PIAS1: variants seen among roughly 807,000 people sequenced by gnomAD.
PIAS1 encodes the protein protein inhibitor of activated STAT 1.
Under a neutral mutation model 71.3 loss-of-function variants are expected in PIAS1, and 6 were observed. The observed-to-expected ratio is 0.08, with a 90% CI of 0.05 to 0.17. The LOEUF is 0.17. Ranked by LOEUF, PIAS1 falls within the 10% of genes least tolerant of loss-of-function variation. The pLI is 1.00. For synonymous variants in PIAS1, 303 were observed against 292.9 expected (o/e 1.03, Z -0.35); for missense variants, 555 against 793.6 (o/e 0.70, Z 3.61).
intron 13 of PIAS1, 112 bp downstream of exon 13, chr15:68,183,779 T>C (rs1567081764): frequency 3.6e-6 from 2 of 559,372 alleles, no homozygotes; most frequent in Non-Finnish European, 6.6e-6. Context: ...CATAAGATTA[T>C]AATGGAGCTG....
intron 2 of PIAS1, among the ~76,000 whole-genome samples, chr15:68,096,093 T>C (rs2092373548): frequency 6.6e-6 from 1 of 152,236 alleles, no homozygotes; most frequent in Non-Finnish European, 1.5e-5. Flanking sequence ...TAGTTTATTA[T>C]CTCTATATGT....
rs933047724 is a variant in PIAS1, at chr15:68,182,620, A to G, written c.1625-1010A>G. Among the ~76,000 whole-genome samples the G allele has an allele frequency of 5.9e-5, 9 of 152,160 alleles. No homozygotes were observed. In the East Asian group the frequency reaches 1.5e-3, roughly 26 times the overall value. ...TTTTTAGTAGAGACGGGGTTTCACC[A>G]TGTTGGTCAGGCTGGTCTCAAACTC... is the stretch of plus-strand genomic sequence containing the variant. On this transcript the variant is annotated intron_variant, in intron 12 of 13. Transcript: ENST00000249636.
intron 2 of PIAS1, among the ~76,000 whole-genome samples, chr15:68,119,934 A>G (rs894915489): frequency 1.3e-5 from 2 of 152,100 alleles, no homozygotes; most frequent in South Asian, 2.1e-4. Flanking sequence ...TCTGAAATCT[A>G]CTTTCTCTGA....
In PIAS1 at chr15:68,093,091, G is replaced by C. The variant is rs367701605; in HGVS notation, c.469+6341G>C. On this transcript the variant is annotated intron_variant, in intron 2 of 13. Coordinates refer to ENST00000249636, the MANE Select transcript of PIAS1 (RefSeq NM_016166.3). ...ATTATTTTAGCAAGAAGACTTAAAGGCTTTTATGAAGATATTTGAGTATAG... is the reference window on the plus strand; with the variant it reads ...ATTATTTTAGCAAGAAGACTTAAAGCCTTTTATGAAGATATTTGAGTATAG... Among the ~76,000 whole-genome samples the C allele has an allele frequency of 1.1e-4, 16 of 152,260 alleles. No individual in the cohort carries two copies. The East Asian group carries it at 1.3e-3, about 13-fold the overall frequency.
intron 1 of PIAS1, among the ~76,000 whole-genome samples, chr15:68,083,423 A>C (rs1271700938): frequency 6.6e-6 from 1 of 152,140 alleles, no homozygotes; most frequent in Non-Finnish European, 1.5e-5. Flanking sequence ...ATAGCACCTG[A>C]TTTTTCATTA....
intron 2 of PIAS1, among the ~76,000 whole-genome samples, chr15:68,102,175 T>C (rs1035450900): frequency 6.6e-5 from 10 of 152,238 alleles, no homozygotes; most frequent in African/African-American, 2.4e-4. Context: ...TTGAGCTTCA[T>C]TTATGGAGAT....
chr15:68,089,599 G>C (rs552475713), intron 2 of PIAS1, among the ~76,000 whole-genome samples: 1 of 152,194 alleles, frequency 6.6e-6, no homozygotes, highest in Middle Eastern at 3.4e-3. Context: ...CTGTAGCCCA[G>C]GCTGGAGTGC....
chr15:68,064,133 C>G (rs1376209854), intron 1 of PIAS1, among the ~76,000 whole-genome samples: 55 of 152,142 alleles, frequency 3.6e-4, no homozygotes, highest in Middle Eastern at 3.4e-3. Context: ...ACCATTTTTA[C>G]TTGAAAAAAT....
chr15:68,141,873 G>GTGTTTTTTTT, intron 2 of PIAS1, 73 bp from the exon 3 acceptor site: 2 of 660,544 alleles, frequency 3.0e-6, no homozygotes, highest in African/African-American at 2.2e-5. Context: ...AGACATGTGT[G>GTGTTTTTTTT]TTTTTTTTTT....
intron 8 of PIAS1, among the ~76,000 whole-genome samples, chr15:68,166,152 A>G (rs370276709): frequency 6.6e-5 from 10 of 152,128 alleles, no homozygotes; most frequent in Non-Finnish European, 1.0e-4. Flanking sequence ...CATTGTGTAT[A>G]TATCTTTCTA....
In PIAS1 at chr15:68,189,213, T is replaced by A. The variant is rs943331003; in HGVS notation, c.*1378T>A. 2 of 152,192 alleles carry A rather than the reference T, an allele frequency of 1.3e-5. No individual in the cohort carries two copies. The highest frequency in any genetic ancestry group is 6.5e-5 in the Admixed American group (1 of 15,272). 9.4% of individuals were successfully genotyped at this position (152,192 alleles called of 1,614,324 possible). On this transcript the variant is annotated 3_prime_UTR_variant, in exon 14 of 14. Coordinates refer to ENST00000249636, the MANE Select transcript of PIAS1 (RefSeq NM_016166.3). Reference sequence around the variant, plus strand: ...AAAACTGTTTTTCAGGAGAGAAATATGAGTTGGAGGGAAGGAAAAGTGGTT... The same window carrying A: ...AAAACTGTTTTTCAGGAGAGAAATAAGAGTTGGAGGGAAGGAAAAGTGGTT...
chr15:68,061,431 C>G (rs2091958003), intron 1 of PIAS1: 1 of 152,182 alleles, frequency 6.6e-6, no homozygotes, highest in Non-Finnish European at 1.5e-5. Flanking sequence ...CCCTAGAACC[C>G]TTCCTTCAGA....
At chr15:68,068,042 C>T (rs547623665) in intron 1 of PIAS1, among the ~76,000 whole-genome samples, 11 of 152,090 alleles carry the variant, frequency 7.2e-5, no homozygotes, top group South Asian at 4.2e-4. Flanking sequence ...AGGAGGATTC[C>T]GTAGGAGAAG....
intron 7 of PIAS1, among the ~76,000 whole-genome samples, chr15:68,155,045 T>A (rs1466594337): frequency 6.6e-6 from 1 of 152,108 alleles, no homozygotes; most frequent in African/African-American, 2.4e-5. Flanking sequence ...TACCAAGAAA[T>A]AAGGCAGATG....
At chr15:68,103,330 TC>T (rs1476520470) in intron 2 of PIAS1, among the ~76,000 whole-genome samples, 3 of 11,192 alleles carry the variant, frequency 2.7e-4, no homozygotes, top group African/African-American at 8.1e-4. Context: ...TGTATTATTA[TC>T]CTTTTTTTTT....
intron 2 of PIAS1, among the ~76,000 whole-genome samples, chr15:68,094,799 TG>T (rs1252260106): frequency 1.3e-5 from 2 of 152,184 alleles, no homozygotes; most frequent in African/African-American, 4.8e-5. Context: ...TTTCTGTAGG[TG>T]GGTTTCTTTG....
intron 2 of PIAS1, among the ~76,000 whole-genome samples, chr15:68,112,075 T>A (rs1379762359): frequency 1.3e-5 from 2 of 152,174 alleles, no homozygotes; most frequent in African/African-American, 4.8e-5. Flanking sequence ...AGATAACTTA[T>A]AAAGGCTTCC....
chr15:68,180,289 A>G (rs1298551371), intron 11 of PIAS1, among the ~76,000 whole-genome samples: 5 of 151,884 alleles, frequency 3.3e-5, no homozygotes, highest in African/African-American at 4.8e-5. Flanking sequence ...TCGTAGAGAC[A>G]GGGTCTCCCT....
At chr15:68,061,824 C>A (rs781338664) in intron 1 of PIAS1, among the ~76,000 whole-genome samples, 2 of 152,116 alleles carry the variant, frequency 1.3e-5, no homozygotes, top group African/African-American at 4.8e-5. Flanking sequence ...ATTGTCTGGC[C>A]CCATTCCACT....
Sources: allele counts gnomAD v4.1 joint callset (sites outside exome capture counted in the v4.1 genomes callset), GRCh38; gene constraint gnomAD v4.1.1; transcripts MANE v1.5; gene names NCBI Gene and HGNC (gene_info 2026-07-23, HGNC 2026-07-21).